The following TTC34 variants were observed in gnomAD, a reference collection of about 807,000 sequenced individuals.
TTC34 encodes the protein tetratricopeptide repeat protein 34.
In TTC34, 44 loss-of-function variants were observed where a neutral mutation model predicts 40.7. That is an observed-to-expected ratio of 1.08 (90% confidence interval 0.85 to 1.39). TTC34 has a LOEUF of 1.39. Ranked by LOEUF, TTC34 falls within the 40% of genes most tolerant of loss-of-function variation. TTC34 has a pLI of 0.00. For synonymous variants in TTC34, 422 were observed against 398.6 expected (o/e 1.06, Z -0.70); for missense variants, 884 against 838.0 (o/e 1.05, Z -0.68).
chr1:2,793,044 A>T (rs1051929647), intron 2 of TTC34, among the ~76,000 whole-genome samples: 22 of 152,260 alleles, frequency 1.4e-4, no homozygotes, highest in Admixed American at 2.6e-4. Context: ...AAGCTATTCC[A>T]CAGTGACTTG....
chr1:2,690,939 A>T (rs534051175), intron 6 of TTC34, among the ~76,000 whole-genome samples: 1 of 65,542 alleles, frequency 1.5e-5, no homozygotes, highest in Admixed American at 1.5e-4. Flanking sequence ...CAGAACCCAC[A>T]CCTCCAGGTG....
At chr1:2,651,309 C>T (rs1557583540) in intron 6 of TTC34, among the ~76,000 whole-genome samples, 1 of 152,102 alleles carries the variant, frequency 6.6e-6, no homozygotes, top group Non-Finnish European at 1.5e-5. Flanking sequence ...GAATAGAACT[C>T]CACACCGGCA....
In TTC34 at chr1:2,686,325, A is replaced by C. The variant is rs368933748; in HGVS notation, c.2227-40762T>G. ...CGCACGGAGCAGCACCCACACCTCC[A>C]GGCGAGCATCCGACAGCCTGGAGCA... On this transcript the variant is annotated intron_variant, in intron 6 of 8. Coordinates refer to ENST00000401095, the Ensembl canonical transcript of TTC34. Among the ~76,000 whole-genome samples the C allele has an allele frequency of 9.8e-4, 139 of 141,954 alleles. 1 individual carries two copies. Among genetic ancestry groups the C allele is most frequent in the African/African-American group, 3.1e-3 (108 of 34,836 alleles). The allele number at this position is 141,954 out of a possible 152,430, so 93.1% of individuals were successfully genotyped here.
intron 6 of TTC34, among the ~76,000 whole-genome samples, chr1:2,749,882 C>T (rs1641260375): frequency 1.5e-5 from 2 of 131,136 alleles, no homozygotes; most frequent in African/African-American, 3.0e-5. Flanking sequence ...GCAGAACCCA[C>T]ACCCCCAGGC....
chr1:2,644,235 G>T (rs1386624695), intron 8 of TTC34, 29 bp downstream of exon 8: 13 of 1,520,124 alleles, frequency 8.6e-6, no homozygotes, highest in Admixed American at 3.9e-5. Flanking sequence ...GAAGGTTGGG[G>T]TGGGAGATCT....
At chr1:2,760,226 G>A (rs1641652637) in intron 6 of TTC34, among the ~76,000 whole-genome samples, 5 of 111,272 alleles carry the variant, frequency 4.5e-5, no homozygotes, top group Non-Finnish European at 1.7e-5. Flanking sequence ...CTGAAGTCAT[G>A]GAGCAGCACC....
chr1:2,656,383 TGAGCATCTGACAGCATGTAACAGCACCC>T, intron 6 of TTC34, among the ~76,000 whole-genome samples: 1 of 2,020 alleles, frequency 5.0e-4, no homozygotes, highest in East Asian at 0.014. Flanking sequence ...CACCCACAGG[TGAGCATCTGACAGCATGTAACAGCACCC>T]ACACCCCCAG....
intron 6 of TTC34, among the ~76,000 whole-genome samples, chr1:2,778,382 C>T (rs1403725350): frequency 6.6e-6 from 1 of 152,206 alleles, no homozygotes; most frequent in Non-Finnish European, 1.5e-5. Flanking sequence ...GGGGCTGTGG[C>T]TGCCTCAGGG....
intron 6 of TTC34, among the ~76,000 whole-genome samples, chr1:2,748,596 C>CT (rs1641221783): frequency 6.6e-6 from 1 of 150,818 alleles, no homozygotes; most frequent in Non-Finnish European, 1.5e-5. Context: ...GAGCAGCACC[C>CT]ACACCCCCAG....
At chr1:2,688,145 A>G (rs1640452724) in intron 6 of TTC34, among the ~76,000 whole-genome samples, 1 of 147,758 alleles carries the variant, frequency 6.8e-6, no homozygotes, top group African/African-American at 2.5e-5. Context: ...CGAGCATCTG[A>G]CGGCCTGGAA....
rs10909850 is a variant in TTC34, at chr1:2,797,101, G to A, written c.784+2943C>T. Among the ~76,000 whole-genome samples, 354 of 152,304 alleles carry A rather than the reference G, an allele frequency of 2.3e-3. 2 individuals carry two copies. The highest frequency in any genetic ancestry group is 7.9e-3 in the African/African-American group (328 of 41,554). On this transcript the variant is annotated intron_variant, in intron 2 of 8. Coordinates refer to ENST00000401095, the Ensembl canonical transcript of TTC34. ...TCCCCAGAAGCACAGTATGGAGGGC[G>A]GTTAGGAGCACCCCAGGGGCCAGGT...
At chr1:2,775,620 A>T (rs1469515100) in intron 6 of TTC34, 1 of 148,972 alleles carries the variant, frequency 6.7e-6, no homozygotes, top group Non-Finnish European at 1.5e-5. Context: ...TGCGTGGAAC[A>T]GCACATCCCC....
intron 6 of TTC34, among the ~76,000 whole-genome samples, chr1:2,779,486 GCTAA>G (rs1307619967): frequency 2.6e-5 from 4 of 152,044 alleles, no homozygotes; most frequent in Admixed American, 6.5e-5. Flanking sequence ...ACCACGCCTG[GCTAA>G]CTTTTTGTAT....
chr1:2,655,394 G>A (rs1639308270), intron 6 of TTC34, among the ~76,000 whole-genome samples: 1 of 110,686 alleles, frequency 9.0e-6, no homozygotes, highest in Non-Finnish European at 1.7e-5. Context: ...GCATCCAACA[G>A]CCTGGAACAG....
chr1:2,700,008 C>G (rs1298360535), intron 6 of TTC34, among the ~76,000 whole-genome samples: 1 of 116,948 alleles, frequency 8.6e-6, no homozygotes. Context: ...GAGCAGCGTC[C>G]ACACCCCCAG....
rs1378406805 is a variant in TTC34, at chr1:2,750,924, C to T, written c.2226+32685G>A. Among the ~76,000 whole-genome samples the T allele has an allele frequency of 2.8e-5, 3 of 108,158 alleles. 1 individual carries two copies. Among genetic ancestry groups the T allele is most frequent in the Non-Finnish European group, 3.6e-5 (2 of 55,934 alleles). The allele number at this position is 108,158 out of a possible 152,430, so 71.0% of individuals were successfully genotyped here. On this transcript the variant is annotated intron_variant, in intron 6 of 8. Coordinates refer to ENST00000401095, the Ensembl canonical transcript of TTC34. ...ATCTGAACGCACGGAGCAGCACCCA[C>T]ACCTTCAGGCGAGCATCGGACAGCC...
intron 6 of TTC34, among the ~76,000 whole-genome samples, chr1:2,753,275 G>T (rs1386210558): frequency 8.5e-6 from 1 of 117,692 alleles, no homozygotes; most frequent in East Asian, 3.0e-4. Flanking sequence ...GCATCTGACA[G>T]CCTGGAACAG....
intron 6 of TTC34, among the ~76,000 whole-genome samples, chr1:2,657,865 C>A (rs1639408094): frequency 8.9e-6 from 1 of 112,322 alleles, no homozygotes. Context: ...CCCACACCCC[C>A]AGGTGAGCAT....
chr1:2,641,994 C>G, intron 8 of TTC34, 99 bp from the exon 9 acceptor site: 3 of 1,294,766 alleles, frequency 2.3e-6, no homozygotes, highest in Non-Finnish European at 3.1e-6. Context: ...CCAGCTTCTG[C>G]TGGCTCCCTG....
Sources: allele counts gnomAD v4.1 joint callset (sites outside exome capture counted in the v4.1 genomes callset), GRCh38; gene constraint gnomAD v4.1.1; transcripts MANE v1.5; gene names NCBI Gene and HGNC (gene_info 2026-07-23, HGNC 2026-07-21).